Variants in NLGN1 observed in about 807,000 individuals in gnomAD.
NLGN1 encodes neuroligin-1.
Under a neutral mutation model 65.5 loss-of-function variants are expected in NLGN1, and 12 were observed. That is an observed-to-expected ratio of 0.18 (90% CI 0.12 to 0.30). NLGN1 has a LOEUF of 0.30. Among genes scored for constraint, NLGN1 ranks in the 10% least tolerant of loss-of-function variants. The pLI is 1.00. For missense variants in NLGN1, 750 were observed against 1,007.1 expected, an observed-to-expected ratio of 0.74 and a Z score of 3.46; for synonymous variants, 350 against 359.5, an observed-to-expected ratio of 0.97 and a Z score of 0.30.
At chr3:173,406,311 CTA>C (rs1245251788) in intron 1 of NLGN1, among the ~76,000 whole-genome samples, 3 of 151,430 alleles carry the variant, frequency 2.0e-5, no homozygotes, top group Admixed American at 1.3e-4. Context: ...TTAACTATCA[CTA>C]TATATATAAA....
At chr3:173,633,014 CA>C (rs1755973737) in intron 3 of NLGN1, among the ~76,000 whole-genome samples, 1 of 151,660 alleles carries the variant, frequency 6.6e-6, no homozygotes, top group South Asian at 2.1e-4. Flanking sequence ...CTTGTGATAC[CA>C]TGAAATGTTT....
At chr3:173,449,399 C>T (rs1365689416) in intron 2 of NLGN1, among the ~76,000 whole-genome samples, 1 of 152,058 alleles carries the variant, frequency 6.6e-6, no homozygotes, top group African/African-American at 2.4e-5. Context: ...ATCCTGAGTT[C>T]TAGTTTGATT....
At chr3:173,605,642 A>T in intron 3 of NLGN1, 49 bp downstream of exon 3, 2 of 919,560 alleles carry the variant, frequency 2.2e-6, no homozygotes, top group South Asian at 1.4e-5. Flanking sequence ...CTTGCAGAGG[A>T]AGAACAAGAT....
intron 4 of NLGN1, among the ~76,000 whole-genome samples, chr3:173,996,190 G>A (rs751942642): frequency 3.9e-5 from 6 of 152,082 alleles, no homozygotes; most frequent in Non-Finnish European, 8.8e-5. Flanking sequence ...ATTCAGTGGT[G>A]GTAACTCAGC....
At chr3:173,648,628 G>T (rs1402544552) in intron 3 of NLGN1, among the ~76,000 whole-genome samples, 1 of 151,652 alleles carries the variant, frequency 6.6e-6, no homozygotes, top group Non-Finnish European at 1.5e-5. Context: ...AGGCTGGAGT[G>T]CAGGGGCCCT....
chr3:173,728,971 C>A (rs1009223225), intron 3 of NLGN1, among the ~76,000 whole-genome samples: 4 of 152,016 alleles, frequency 2.6e-5, no homozygotes, highest in Non-Finnish European at 4.4e-5. Context: ...TGAACTACAG[C>A]AAATAATAAA....
intron 4 of NLGN1, among the ~76,000 whole-genome samples, chr3:173,896,093 G>A (rs1736309542): frequency 6.6e-6 from 1 of 152,106 alleles, no homozygotes; most frequent in Non-Finnish European, 1.5e-5. Flanking sequence ...TTACCTCTTG[G>A]TAAGTCACCA....
chr3:174,048,859 C>G (rs929387244), intron 4 of NLGN1, among the ~76,000 whole-genome samples: 4 of 152,038 alleles, frequency 2.6e-5, no homozygotes, highest in African/African-American at 9.6e-5. Flanking sequence ...ACTATAGATG[C>G]TAGGTACCAC....
chr3:174,240,993 G>T (rs1000099166), intron 4 of NLGN1, among the ~76,000 whole-genome samples: 1 of 152,070 alleles, frequency 6.6e-6, no homozygotes, highest in Non-Finnish European at 1.5e-5. Context: ...TTACCATTGA[G>T]ATGGCCTCTT....
chr3:174,266,045 TA>T (rs1267927990), intron 4 of NLGN1, among the ~76,000 whole-genome samples: 52 of 121,860 alleles, frequency 4.3e-4, no homozygotes, highest in Admixed American at 1.2e-3. Context: ...TATATATATA[TA>T]TTTTTTTTTT....
rs139387413 is a variant in NLGN1 at position 174,191,783 on chromosome 3, T to TTTTGTTTG, written c.647-83508_647-83501dup. Among the ~76,000 whole-genome samples the TTTTGTTTG allele has an allele frequency of 3.1e-3, 467 of 151,906 alleles. 3 individuals are homozygous for TTTTGTTTG. Among genetic ancestry groups the TTTTGTTTG allele is most frequent in the African/African-American group, 9.0e-3 (371 of 41,436 alleles). On this transcript the variant is annotated intron_variant, in intron 4 of 6. Transcript: ENST00000457714. ...ACATGTACTTCAGATTTTCAGGTTG[T>TTTTGTTTG]TTTGTTTGTTTGTTTGTTTGTTTGT...
chr3:174,255,210 C>T (rs1471806287), intron 4 of NLGN1, among the ~76,000 whole-genome samples: 6 of 151,944 alleles, frequency 3.9e-5, no homozygotes, highest in African/African-American at 7.3e-5. Flanking sequence ...CCGAGGTGGG[C>T]GGACCACAAG....
At chr3:173,645,037 C>A (rs1333258655) in intron 3 of NLGN1, among the ~76,000 whole-genome samples, 1 of 152,204 alleles carries the variant, frequency 6.6e-6, no homozygotes, top group Admixed American at 6.5e-5. Context: ...AAGCAGCAGG[C>A]CATCCTGGCT....
intron 3 of NLGN1, among the ~76,000 whole-genome samples, chr3:173,698,354 C>G (rs1766555366): frequency 6.6e-6 from 1 of 152,172 alleles, no homozygotes; most frequent in Admixed American, 6.5e-5. Context: ...AATCAGCACT[C>G]AGGTAGTCTT....
At chr3:173,558,085 A>T (rs1414641810) in intron 2 of NLGN1, among the ~76,000 whole-genome samples, 1 of 151,102 alleles carries the variant, frequency 6.6e-6, no homozygotes, top group East Asian at 1.9e-4. Context: ...TCTTACTTGT[A>T]TTATTTCTGA....
At position 173,475,309 on chromosome 3, in the gene NLGN1, CTTTTG is replaced by C. The variant is rs1212282629; in HGVS notation, c.-321+40236_-321+40240del. Among the ~76,000 whole-genome samples the C allele has an allele frequency of 8.0e-5, 9 of 112,804 alleles. No individual in the cohort carries two copies. The East Asian group carries it at 2.2e-3, about 27-fold the overall frequency. 74.0% of individuals were successfully genotyped at this position (112,804 alleles called of 152,430 possible). The stretch of plus-strand genomic sequence containing the variant: ...TAAATTTTTTTCTAAATGAATCATT[CTTTTG>C]TTTTCTGATTATCAAAATCCTTTAA... On this transcript the variant is annotated intron_variant, in intron 2 of 6. Coordinates refer to ENST00000457714, the Ensembl canonical transcript of NLGN1.
chr3:173,516,423 C>T (rs999612461), intron 2 of NLGN1, among the ~76,000 whole-genome samples: 3 of 151,976 alleles, frequency 2.0e-5, no homozygotes, highest in Non-Finnish European at 4.4e-5. Flanking sequence ...AGAATTCATG[C>T]TTCTCCTACA....
At chr3:173,721,198 A>G (rs1213730993) in intron 3 of NLGN1, among the ~76,000 whole-genome samples, 1 of 152,248 alleles carries the variant, frequency 6.6e-6, no homozygotes, top group Non-Finnish European at 1.5e-5. Context: ...GAAAAATGAT[A>G]GCAATTTAAC....
intron 3 of NLGN1, among the ~76,000 whole-genome samples, chr3:173,638,507 A>T (rs1482532346): frequency 6.6e-6 from 1 of 152,128 alleles, no homozygotes; most frequent in Non-Finnish European, 1.5e-5. Flanking sequence ...TTTTTAAATA[A>T]AAACAAAGGC....
Sources: gnomAD v4.1 joint callset for allele counts (sites outside exome capture counted in the v4.1 genomes callset) on GRCh38, gnomAD v4.1.1 for gene constraint, MANE v1.5 for transcripts, NCBI Gene and HGNC (gene_info 2026-07-23, HGNC 2026-07-21) for gene names.